Variants in NT5E observed in about 807,000 individuals in gnomAD.
The protein encoded by NT5E is 5'-nucleotidase.
In NT5E, 53 loss-of-function variants were observed where a neutral mutation model predicts 55.1. That is an observed-to-expected ratio of 0.96 (90% CI 0.77 to 1.21). The LOEUF (loss-of-function observed/expected upper bound fraction) is 1.21, where lower values mean the gene tolerates loss of function less well. NT5E is among the 50% of genes most tolerant of loss of function. The pLI, the probability that NT5E is intolerant of heterozygous loss-of-function variation, is 0.00. For missense variants in NT5E, 683 were observed against 724.3 expected (o/e 0.94, Z 0.65); for synonymous variants, 270 against 278.4 (o/e 0.97, Z 0.30).
At chr6:85,454,402 A>G (rs1157164016) in intron 1 of NT5E, among the ~76,000 whole-genome samples, 1 of 152,234 alleles carries the variant, frequency 6.6e-6, no homozygotes, top group African/African-American at 2.4e-5. Flanking sequence ...TTGCTGCTTT[A>G]TCATGTACTT....
chr6:85,487,622 T>A, intron 5 of NT5E, 133 bp downstream of exon 5: 1 of 1,241,484 alleles, frequency 8.1e-7, no homozygotes, highest in Non-Finnish European at 1.2e-6. Context: ...GCCAGGGTGG[T>A]GGCATGTGCC....
chr6:85,464,589 T>C (rs1332257696), intron 1 of NT5E, among the ~76,000 whole-genome samples: 1 of 151,968 alleles, frequency 6.6e-6, no homozygotes, highest in African/African-American at 2.4e-5. Context: ...CTGCTTAGGG[T>C]GTTTACTTCT....
chr6:85,476,613 C>A (rs1472535702), intron 3 of NT5E, among the ~76,000 whole-genome samples: 1 of 152,130 alleles, frequency 6.6e-6, no homozygotes, highest in Non-Finnish European at 1.5e-5. Flanking sequence ...TGTTCAGCAA[C>A]CAGGAAGGAT....
intron 3 of NT5E, among the ~76,000 whole-genome samples, chr6:85,472,092 A>G (rs1399163123): frequency 6.6e-6 from 1 of 152,182 alleles, no homozygotes; most frequent in Non-Finnish European, 1.5e-5. Flanking sequence ...TAATGTCCCA[A>G]AACTTTTGAA....
At chr6:85,462,500 A>G (rs1278795032) in intron 1 of NT5E, among the ~76,000 whole-genome samples, 4 of 152,118 alleles carry the variant, frequency 2.6e-5, no homozygotes, top group African/African-American at 9.7e-5. Context: ...AGGTCTCTCC[A>G]TAACACCTCT....
chr6:85,463,315 C>T (rs559222987), intron 1 of NT5E, among the ~76,000 whole-genome samples: 98 of 151,974 alleles, frequency 6.4e-4, no homozygotes, highest in African/African-American at 2.2e-3. Flanking sequence ...GAATAGGGTT[C>T]GTGAATGAAT....
chr6:85,487,419 A>C lies in NT5E; in HGVS notation c.1034A>C (p.Tyr345Ser). The C allele has an allele frequency of 6.2e-7, 1 of 1,614,158 alleles. No homozygotes were observed. Among genetic ancestry groups the C allele is most frequent in the South Asian group, 1.1e-5 (1 of 91,086 alleles). The change falls in exon 5 of 9, where the codon TAT (tyrosine) becomes TCT (serine). Residue 345 changes from tyrosine (Y) to serine (S), a missense_variant. Tyr to Ser is a moderately radical substitution (Grantham distance 144, BLOSUM62 -2). Transcript: ENST00000257770. ...STQELGKTIV[Y>S]LDGSSQSCRF... ...CAGGAATTAGGGAAAACAATTGTCT[A>C]TCTGGATGGCTCCTCTCAATCATGC... is the stretch of plus-strand genomic sequence containing the variant.
At chr6:85,454,585 A>G (rs1323601055) in intron 1 of NT5E, among the ~76,000 whole-genome samples, 3 of 152,196 alleles carry the variant, frequency 2.0e-5, no homozygotes, top group Non-Finnish European at 4.4e-5. Flanking sequence ...TAGACATTGC[A>G]AATATATTAT....
At chr6:85,461,399 CCA>C (rs1279662900) in intron 1 of NT5E, among the ~76,000 whole-genome samples, 38 of 152,278 alleles carry the variant, frequency 2.5e-4, no homozygotes, top group African/African-American at 8.9e-4. Flanking sequence ...AACACAACAG[CCA>C]CAGTGATAAC....
intron 8 of NT5E, 130 bp from the exon 9 acceptor site, chr6:85,493,711 C>A (rs767953488): frequency 5.6e-6 from 4 of 713,566 alleles, no homozygotes; most frequent in African/African-American, 1.8e-5. Flanking sequence ...TGATCACTAG[C>A]GTTCTTGTCT....
chr6:85,487,258 A>G, intron 4 of NT5E, 77 bp from the exon 5 acceptor site: 1 of 1,266,586 alleles, frequency 7.9e-7, no homozygotes, highest in Admixed American at 1.7e-5. Flanking sequence ...AGTAAGATAG[A>G]TGATGTTTCA....
In NT5E at chr6:85,487,491, T is replaced by A. The variant is rs568045467; in HGVS notation, c.1104+2T>A. The A allele has an allele frequency of 5.0e-6, 8 of 1,614,078 alleles. No homozygotes were observed. Among genetic ancestry groups the A allele is most frequent in the African/African-American group, 1.3e-5 (1 of 75,016 alleles). On this transcript the variant is annotated splice_donor_variant, in intron 5 of 8. Transcript: ENST00000257770. LOFTEE classifies it high-confidence loss of function. Reference sequence around the variant, plus strand: ...GGCAACCTGATTTGTGATGCAATGGTAAGTCATCAGCAGGAGTGGACATAT... The same window carrying A: ...GGCAACCTGATTTGTGATGCAATGGAAAGTCATCAGCAGGAGTGGACATAT...
intron 1 of NT5E, among the ~76,000 whole-genome samples, chr6:85,453,066 CT>C (rs1251082850): frequency 6.6e-6 from 1 of 152,172 alleles, no homozygotes; most frequent in Admixed American, 6.5e-5. Flanking sequence ...ATCCTGATTG[CT>C]GTAGAGGACC....
At chr6:85,451,302 T>G (rs569457156) in intron 1 of NT5E, among the ~76,000 whole-genome samples, 1 of 152,276 alleles carries the variant, frequency 6.6e-6, no homozygotes, top group South Asian at 2.1e-4. Context: ...TCAAAGGATT[T>G]CAATAAAGTA....
At chr6:85,467,341 G>A in intron 2 of NT5E, 59 bp downstream of exon 2, 2 of 1,398,054 alleles carry the variant, frequency 1.4e-6, no homozygotes, top group Non-Finnish European at 1.0e-6. Context: ...ATCACAGCTT[G>A]GCATTATATT....
At position 85,450,771 on chromosome 6, in the gene NT5E, C is replaced by T. The variant is rs1294191670; in HGVS notation, c.339+293C>T. ...GGTGCGTAGAAGCACTGACAGTTAT[C>T]CAGAGCTAGGGACTGAATCGGATCC... On this transcript the variant is annotated intron_variant, in intron 1 of 8. Coordinates refer to ENST00000257770, the MANE Select transcript of NT5E (RefSeq NM_002526.4). The surrounding 1 kb of genome is among the most constrained non-coding windows in gnomAD (Gnocchi z 4.0). Among the ~76,000 whole-genome samples, 1 of 152,202 alleles carries T rather than the reference C, an allele frequency of 6.6e-6. No homozygotes were observed. The highest frequency in any genetic ancestry group is 1.5e-5 in the Non-Finnish European group (1 of 68,032).
At chr6:85,485,526 A>G in intron 4 of NT5E, 94 bp downstream of exon 4, 1 of 1,213,268 alleles carries the variant, frequency 8.2e-7, no homozygotes, top group Non-Finnish European at 1.2e-6. Context: ...TGTTTCAGGA[A>G]AAGACTATAA....
chr6:85,463,960 T>A (rs1029175783), intron 1 of NT5E, among the ~76,000 whole-genome samples: 2 of 152,238 alleles, frequency 1.3e-5, no homozygotes, highest in African/African-American at 4.8e-5. Context: ...TTAGTAATTC[T>A]TTCATTCATT....
chr6:85,450,524 A>G lies in NT5E; in HGVS notation c.339+46A>G. ...CGGGATAGTAGTCCCGGACTGAGAG[A>G]GGAGCCGGGCTGGAAAAGCAGCGGA... is the stretch of plus-strand genomic sequence containing the variant. On this transcript the variant is annotated intron_variant, in intron 1 of 8. Coordinates refer to ENST00000257770, the MANE Select transcript of NT5E (RefSeq NM_002526.4). This position sits in a 1 kb window ranked among gnomAD's most constrained non-coding sequence, Gnocchi z 4.0. 6.6e-7 allele frequency: 1 copy of G among 1,524,072 alleles called. No individual in the cohort carries two copies. The highest frequency in any genetic ancestry group is 2.0e-5 in the Admixed American group (1 of 51,200). 94.4% of individuals were successfully genotyped at this position (1,524,072 alleles called of 1,614,324 possible).
Sources: allele counts gnomAD v4.1 joint callset (sites outside exome capture counted in the v4.1 genomes callset), GRCh38; gene constraint gnomAD v4.1.1; non-coding constraint Gnocchi (gnomAD v3.1); transcripts MANE v1.5; gene names NCBI Gene and HGNC (gene_info 2026-07-23, HGNC 2026-07-21).